The following MINDY4 variants were observed in gnomAD, a reference collection of about 807,000 sequenced individuals.
The protein encoded by MINDY4 is MINDY lysine 48 deubiquitinase 4, also known as probable ubiquitin carboxyl-terminal hydrolase MINDY-4.
Under a neutral mutation model 87.0 loss-of-function variants are expected in MINDY4, and 68 were observed. The observed-to-expected ratio is 0.78, with a 90% CI of 0.64 to 0.96. MINDY4 has a LOEUF of 0.96. Among genes scored for constraint, MINDY4 ranks in the 40% least tolerant of loss-of-function variants. The probability of loss-of-function intolerance (pLI) is 0.00; values close to 1 mark genes in which losing one functional copy is unlikely to be tolerated. For synonymous variants in MINDY4, 379 were observed against 363.2 expected, an observed-to-expected ratio of 1.04 and a Z score of -0.50; for missense variants, 919 against 928.2, an observed-to-expected ratio of 0.99 and a Z score of 0.13.
chr7:30,789,904 C>G (rs1177692000), intron 4 of MINDY4, among the ~76,000 whole-genome samples: 1 of 152,182 alleles, frequency 6.6e-6, no homozygotes, highest in Non-Finnish European at 1.5e-5. Flanking sequence ...ATTGACTCCT[C>G]TAGAATTCCT....
intron 15 of MINDY4, among the ~76,000 whole-genome samples, chr7:30,881,455 A>G (rs1448115345): frequency 6.6e-6 from 1 of 152,056 alleles, no homozygotes; most frequent in Admixed American, 6.5e-5. Context: ...TGGCACCCCC[A>G]CAGACTTCTC....
At chr7:30,882,525 C>G (rs921041382) in intron 16 of MINDY4, among the ~76,000 whole-genome samples, 164 bp downstream of exon 16, 5 of 152,192 alleles carry the variant, frequency 3.3e-5, no homozygotes. Context: ...AGCAGGGCCT[C>G]CCTGCAGGAG....
At chr7:30,854,529 A>ACCTTT (rs76862496) in intron 12 of MINDY4, among the ~76,000 whole-genome samples, 9,833 of 151,844 alleles carry the variant, frequency 0.065, 390 homozygotes, top group Middle Eastern at 0.075. Context: ...AAGAACACAG[A>ACCTTT]CCTTTCTCTC....
chr7:30,771,650 C>A, intron 1 of MINDY4, 94 bp downstream of exon 1: 1 of 1,238,878 alleles, frequency 8.1e-7, no homozygotes, highest in Non-Finnish European at 1.1e-6. Flanking sequence ...TCTGGGAGGG[C>A]GCCCGTTCCC....
At chr7:30,801,856 C>T (rs1213270851) in intron 5 of MINDY4, among the ~76,000 whole-genome samples, 1 of 152,190 alleles carries the variant, frequency 6.6e-6, no homozygotes, top group Non-Finnish European at 1.5e-5. Context: ...GGCCACACAT[C>T]CCCCTGGAAG....
At chr7:30,786,678 A>G (rs1253452145) in intron 4 of MINDY4, 1 of 151,976 alleles carries the variant, frequency 6.6e-6, no homozygotes, top group Non-Finnish European at 1.5e-5. Flanking sequence ...AAATAAATCT[A>G]AAACACAATA....
At chr7:30,836,577 T>C in intron 6 of MINDY4, 81 bp from the exon 7 acceptor site, 1 of 1,098,348 alleles carries the variant, frequency 9.1e-7, no homozygotes, top group Admixed American at 1.8e-5. Context: ...AACTTAGCAA[T>C]GTCTGTGGTG....
intron 4 of MINDY4, 154 bp downstream of exon 4, chr7:30,786,146 C>T (rs9986953): frequency 0.18 from 181,390 of 984,318 alleles, 18,141 homozygotes; most frequent in South Asian, 0.27. Context: ...TGTTTTCTCC[C>T]TGGCTCTACT....
intron 5 of MINDY4, among the ~76,000 whole-genome samples, chr7:30,822,815 T>C (rs1034538667): frequency 2.6e-5 from 4 of 151,864 alleles, no homozygotes; most frequent in Non-Finnish European, 5.9e-5. Flanking sequence ...TTTGAATTTT[T>C]TTTTTTTTTG....
At chr7:30,830,195 T>A (rs143545235) in intron 6 of MINDY4, among the ~76,000 whole-genome samples, 2 of 152,276 alleles carry the variant, frequency 1.3e-5, no homozygotes, top group East Asian at 3.9e-4. Context: ...TGTCAGCAAT[T>A]ACCTGCCAGC....
intron 4 of MINDY4, 88 bp downstream of exon 4, chr7:30,786,080 CCCACAGGGCAGT>C: frequency 1.3e-6 from 2 of 1,537,586 alleles, no homozygotes; most frequent in South Asian, 2.5e-5. Context: ...TTTGGGGTAC[CCCACAGGGCAGT>C]CCGAGAAGAG....
intron 5 of MINDY4, among the ~76,000 whole-genome samples, chr7:30,818,509 T>C (rs1055446712): frequency 4.6e-5 from 7 of 152,184 alleles, no homozygotes; most frequent in East Asian, 3.8e-4. Context: ...ATTAGCCCCA[T>C]TAGATGAAGA....
chr7:30,823,374 T>C (rs1788399597), intron 5 of MINDY4, among the ~76,000 whole-genome samples: 1 of 152,238 alleles, frequency 6.6e-6, no homozygotes, highest in Non-Finnish European at 1.5e-5. Context: ...TTTCTAATTT[T>C]ATAATTCCTT....
At chr7:30,806,592 A>T (rs1787811665) in intron 5 of MINDY4, among the ~76,000 whole-genome samples, 1 of 152,212 alleles carries the variant, frequency 6.6e-6, no homozygotes, top group Non-Finnish European at 1.5e-5. Context: ...GTCAAAAGAG[A>T]AATGTTCAGG....
At chr7:30,810,536 A>G (rs1787958602) in intron 5 of MINDY4, among the ~76,000 whole-genome samples, 1 of 152,170 alleles carries the variant, frequency 6.6e-6, no homozygotes. Context: ...CATATTAGCT[A>G]CAGTTAAAGG....
At chr7:30,845,914 GT>G (rs1276957025) in intron 9 of MINDY4, among the ~76,000 whole-genome samples, 1 of 152,244 alleles carries the variant, frequency 6.6e-6, no homozygotes, top group Non-Finnish European at 1.5e-5. Flanking sequence ...GCAGTACTTG[GT>G]GTTTTTCCAC....
At chr7:30,828,378 G>A (rs762317182) in intron 5 of MINDY4, among the ~76,000 whole-genome samples, 2 of 152,088 alleles carry the variant, frequency 1.3e-5, no homozygotes, top group East Asian at 1.9e-4. Flanking sequence ...TGAAATTGGC[G>A]AGATAGCCTA....
intron 2 of MINDY4, chr7:30,781,743 C>T (rs1787013293): frequency 2.0e-6 from 1 of 504,370 alleles, no homozygotes; most frequent in South Asian, 2.8e-5. Context: ...GAATCACCTG[C>T]CTCATGCGTT....
At chr7:30,826,706 G>A (rs1404029213) in intron 5 of MINDY4, among the ~76,000 whole-genome samples, 2 of 152,206 alleles carry the variant, frequency 1.3e-5, no homozygotes, top group South Asian at 2.1e-4. Context: ...TTAAATTCCT[G>A]TGCTGCCACG....
Sources: allele counts gnomAD v4.1 joint callset (sites outside exome capture counted in the v4.1 genomes callset), GRCh38; gene constraint gnomAD v4.1.1; transcripts MANE v1.5; gene names NCBI Gene and HGNC (gene_info 2026-07-23, HGNC 2026-07-21).